The following SLC13A5 variants were observed in gnomAD, a reference collection of about 807,000 sequenced individuals.
The protein encoded by SLC13A5 is Na(+)/citrate cotransporter.
Under a neutral mutation model 56.5 loss-of-function variants are expected in SLC13A5, and 25 were observed. The ratio of observed to expected loss-of-function variants is 0.44; its 90% CI spans 0.32 to 0.62. The LOEUF (loss-of-function observed/expected upper bound fraction) is 0.62, where lower values mean the gene tolerates loss of function less well. Among genes scored for constraint, SLC13A5 ranks in the 20% least tolerant of loss-of-function variants. SLC13A5 has a pLI of 0.04. For missense variants in SLC13A5, 649 were observed against 737.8 expected (o/e 0.88, Z 1.39); for synonymous variants, 307 against 301.5 (o/e 1.02, Z -0.19).
intron 10 of SLC13A5, chr17:6,688,657 C>G (rs1242668827): frequency 3.3e-5 from 5 of 152,238 alleles, no homozygotes; most frequent in African/African-American, 1.2e-4. Context: ...GTAATCCCAG[C>G]TACTCGGGAG....
Position 6,695,790 on chromosome 17 carries a change from A to T in SLC13A5, c.991T>A (p.Phe331Ile), listed in dbSNP as rs142301014. 83 of 1,614,078 alleles carry T rather than the reference A, an allele frequency of 5.1e-5. No individual in the cohort carries two copies. The highest frequency in any genetic ancestry group is 6.6e-5 in the Non-Finnish European group (78 of 1,180,018). The part of the protein sequence containing the change: ...ICFFLLVILW[F>I]SRDPGFMPGW... ...GGCATGAAGCCGGGGTCTCGGGAGA[A>T]CCACAGGATGACCAGCAGGAAGAAG... is the stretch of plus-strand genomic sequence containing the variant. The change falls in exon 7 of 12, where the codon TTC becomes ATC. Residue 331 changes from phenylalanine to isoleucine, a missense_variant. By Grantham distance (21) the Phe-to-Ile change is conservative. Coordinates refer to ENST00000433363, the MANE Select transcript of SLC13A5 (RefSeq NM_177550.5).
At position 6,687,501 on chromosome 17, in the gene SLC13A5, C is replaced by A. The variant is rs139509544; in HGVS notation, c.1575+28G>T. On this transcript the variant is annotated intron_variant, in intron 11 of 11. Transcript: ENST00000433363. The surrounding 1 kb of genome is among the most constrained non-coding windows in gnomAD (Gnocchi z 5.0). ...TTATGACAACAGCGTTATAGTCCGA[C>A]GGGAGTAAATAAAAACAGCTGTGTT... The A allele has an allele frequency of 2.5e-6, 4 of 1,612,710 alleles. 1 individual carries two copies. The South Asian group carries it at 4.4e-5, about 18-fold the overall frequency.
At chr17:6,700,652 G>A (rs1458630818) in intron 6 of SLC13A5, among the ~76,000 whole-genome samples, 1 of 152,188 alleles carries the variant, frequency 6.6e-6, no homozygotes, top group Non-Finnish European at 1.5e-5. Context: ...CAAAGTCACC[G>A]GAAGCCAAAT....
chr17:6,706,992 AC>A, intron 2 of SLC13A5, 35 bp downstream of exon 2: 6 of 1,612,350 alleles, frequency 3.7e-6, no homozygotes, highest in Non-Finnish European at 5.1e-6. Flanking sequence ...GAAGGGGAGA[AC>A]CAGAAAGTCA....
At position 6,687,914 on chromosome 17, in the gene SLC13A5, C is replaced by G. The variant is rs144430427; in HGVS notation, c.1438-248G>C. ...TCATTCGACATGTATTTCTTGGGCA[C>G]CTACTATGTGCCAGAGACCATGCTG... On this transcript the variant is annotated intron_variant, in intron 10 of 11. Coordinates refer to ENST00000433363, the MANE Select transcript of SLC13A5 (RefSeq NM_177550.5). This position sits in a 1 kb window ranked among gnomAD's most constrained non-coding sequence, Gnocchi z 5.0. The G allele has an allele frequency of 2.4e-6, 1 of 413,480 alleles. No individual in the cohort carries two copies. The highest frequency in any genetic ancestry group is 2.1e-5 in the African/African-American group (1 of 48,262). 25.6% of individuals were successfully genotyped at this position (413,480 alleles called of 1,614,324 possible).
intron 1 of SLC13A5, among the ~76,000 whole-genome samples, chr17:6,707,435 C>A (rs988668033): frequency 6.6e-6 from 1 of 151,846 alleles, no homozygotes; most frequent in South Asian, 2.1e-4. Flanking sequence ...TCTTCTCAAA[C>A]CTTGGATTAG....
intron 7 of SLC13A5, among the ~76,000 whole-genome samples, chr17:6,694,757 C>A (rs1454886497): frequency 6.6e-6 from 1 of 152,174 alleles, no homozygotes; most frequent in Non-Finnish European, 1.5e-5. Context: ...TATTTCAGGA[C>A]CTCTTCTTGA....
rs1310672012 is a variant in SLC13A5 at position 6,711,472 on chromosome 17, G to A, written c.102+1760C>T. ...ACACATACACACACACTGAGTTAGGGTTTCCAGTTCAGGGTGTGTGTGTGT... is the reference window on the plus strand; with the variant it reads ...ACACATACACACACACTGAGTTAGGATTTCCAGTTCAGGGTGTGTGTGTGT... On this transcript the variant is annotated intron_variant, in intron 1 of 11. Transcript: ENST00000433363. The surrounding 1 kb of genome is among the most constrained non-coding windows in gnomAD (Gnocchi z 4.0). Among the ~76,000 whole-genome samples the A allele has an allele frequency of 1.3e-5, 2 of 149,360 alleles. No homozygotes were observed. Among genetic ancestry groups the A allele is most frequent in the African/African-American group, 2.5e-5 (1 of 39,860 alleles).
In SLC13A5 at chr17:6,692,796, T is replaced by C. The variant is rs1973446300; in HGVS notation, c.1275+248A>G. ...GGTAACTGACAGTGTCCTCTGCCTC[T>C]CTTGGCTAACCACGGTCACTCATTC... On this transcript the variant is annotated intron_variant, in intron 9 of 11. Transcript: ENST00000433363. This position sits in a 1 kb window ranked among gnomAD's most constrained non-coding sequence, Gnocchi z 5.5. The C allele has an allele frequency of 1.9e-6, 1 of 529,458 alleles. No homozygotes were observed. Among genetic ancestry groups the C allele is most frequent in the African/African-American group, 1.9e-5 (1 of 52,036 alleles). The allele number at this position is 529,458 out of a possible 1,614,324, so 32.8% of individuals were successfully genotyped here.
At position 6,713,259 on chromosome 17, in the gene SLC13A5, C is replaced by T. The variant is rs747218832; in HGVS notation, c.75G>A (p.Leu25=). The T allele has an allele frequency of 2.5e-6, 4 of 1,613,980 alleles. No individual in the cohort carries two copies. Among genetic ancestry groups the T allele is most frequent in the Non-Finnish European group, 3.4e-6 (4 of 1,179,922 alleles). Residue 25 remains leucine, a synonymous_variant, in exon 1 of 12, where the codon CTG becomes CTA. Transcript: ENST00000433363. This position sits in a 1 kb window ranked among gnomAD's most constrained non-coding sequence, Gnocchi z 7.3. ...VILFVTPLLL[L]PLVILMPAKF... ...TGGCGGGCATCAGAATGACGAGTGG[C>T]AGCAGCAGGAGCGGGGTGACGAACA...
In SLC13A5 at chr17:6,704,069, G is replaced by A. The variant is rs1387018006; in HGVS notation, c.369-13C>T. 10 of 1,606,142 alleles carry A rather than the reference G, an allele frequency of 6.2e-6. No individual in the cohort carries two copies. Among genetic ancestry groups the A allele is most frequent in the Admixed American group, 1.7e-5 (1 of 58,910 alleles). ...GCCCAGCATCAGCCTGCAGAGGAGGGGCAGGGAGGAAAGCCAGAGAATCCC... is the reference window on the plus strand; with the variant it reads ...GCCCAGCATCAGCCTGCAGAGGAGGAGCAGGGAGGAAAGCCAGAGAATCCC... On this transcript the variant is annotated splice_polypyrimidine_tract_variant and intron_variant, in intron 3 of 11. Transcript: ENST00000433363.
In SLC13A5 at chr17:6,692,217, GTGGATGGATGGACAGA is replaced by G. The variant is rs1973429776; in HGVS notation, c.1275+811_1275+826del. Among the ~76,000 whole-genome samples, 1 of 143,828 alleles carries G rather than the reference GTGGATGGATGGACAGA, an allele frequency of 7.0e-6. No homozygotes were observed. Among genetic ancestry groups the G allele is most frequent in the Non-Finnish European group, 1.5e-5 (1 of 66,190 alleles). 94.4% of individuals were successfully genotyped at this position (143,828 alleles called of 152,430 possible). On this transcript the variant is annotated intron_variant, in intron 9 of 11. Transcript: ENST00000433363. This position sits in a 1 kb window ranked among gnomAD's most constrained non-coding sequence, Gnocchi z 5.5. ...GATAGATGGGTGGATAGATAGATGG[GTGGATGGATGGACAGA>G]TGGATGGATGGATGGATGGATGGAT...
chr17:6,708,350 T>A (rs747253623), intron 1 of SLC13A5, among the ~76,000 whole-genome samples: 1 of 152,188 alleles, frequency 6.6e-6, no homozygotes, highest in Non-Finnish European at 1.5e-5. Context: ...CCCCAGCCAT[T>A]AGCATATGGA....
chr17:6,690,654 C>T (rs927334498), intron 10 of SLC13A5, 125 bp downstream of exon 10: 7 of 1,342,778 alleles, frequency 5.2e-6, no homozygotes, highest in Non-Finnish European at 7.4e-6. Flanking sequence ...ACGTCACAGT[C>T]AGACCTGGGT....
rs952083147 is a variant in SLC13A5 at position 6,701,809 on chromosome 17, T to A, written c.717-683A>T. On this transcript the variant is annotated intron_variant, in intron 5 of 11. Transcript: ENST00000433363. The surrounding 1 kb of genome is among the most constrained non-coding windows in gnomAD (Gnocchi z 4.1). Reference sequence around the variant, plus strand: ...GACCTCAGCAATCTCGCTCTGTGGGTTTCTGCAAAGAACGGTCCCCCCACT... The same window carrying A: ...GACCTCAGCAATCTCGCTCTGTGGGATTCTGCAAAGAACGGTCCCCCCACT... Among the ~76,000 whole-genome samples the A allele has an allele frequency of 6.6e-6, 1 of 152,116 alleles. No individual in the cohort carries two copies. Among genetic ancestry groups the A allele is most frequent in the Non-Finnish European group, 1.5e-5 (1 of 68,010 alleles).
rs2871294 is a variant in SLC13A5 at position 6,707,382 on chromosome 17, C to G, written c.103-226G>C. Among the ~76,000 whole-genome samples, 20,728 of 152,126 alleles carry G rather than the reference C, an allele frequency of 0.14. 1,482 individuals carry two copies. The highest frequency in any genetic ancestry group is 0.15 in the African/African-American group (6,328 of 41,504). ...GCCCCATTCCCACCCCTCCTCCCTG[C>G]CTCCCTCCTTCCCAGCTGTGTGGTT... On this transcript the variant is annotated intron_variant, in intron 1 of 11. Coordinates refer to ENST00000433363, the MANE Select transcript of SLC13A5 (RefSeq NM_177550.5).
At chr17:6,696,496 CAAG>C (rs1219627067) in intron 6 of SLC13A5, among the ~76,000 whole-genome samples, 1 of 152,004 alleles carries the variant, frequency 6.6e-6, no homozygotes, top group Non-Finnish European at 1.5e-5. Context: ...ATGGCTAGGG[CAAG>C]AAGGAAGACA....
At chr17:6,696,771 G>T (rs1973572495) in intron 6 of SLC13A5, among the ~76,000 whole-genome samples, 1 of 152,196 alleles carries the variant, frequency 6.6e-6, no homozygotes, top group Non-Finnish European at 1.5e-5. Context: ...GAAGGGGTGG[G>T]CAAGGCCAAG....
intron 7 of SLC13A5, among the ~76,000 whole-genome samples, chr17:6,694,560 G>T (rs889760276): frequency 1.3e-5 from 2 of 152,218 alleles, no homozygotes; most frequent in South Asian, 2.1e-4. Context: ...GCAGTGAGTT[G>T]AGATCATGCC....
Sources: allele counts gnomAD v4.1 joint callset (sites outside exome capture counted in the v4.1 genomes callset), GRCh38; gene constraint gnomAD v4.1.1; non-coding constraint Gnocchi (gnomAD v3.1); transcripts MANE v1.5; gene names NCBI Gene and HGNC (gene_info 2026-07-23, HGNC 2026-07-21).